Variants in IGF2BP2 observed in about 807,000 individuals in gnomAD.
IGF2BP2 encodes insulin-like growth factor 2 mRNA-binding protein 2.
Under a neutral mutation model 75.8 loss-of-function variants are expected in IGF2BP2, and 17 were observed. That is an observed-to-expected ratio of 0.22 (90% CI 0.15 to 0.34). IGF2BP2 has a LOEUF of 0.34. Among genes scored for constraint, IGF2BP2 ranks in the 10% least tolerant of loss-of-function variants. The probability of loss-of-function intolerance (pLI) is 1.00; values close to 1 mark genes in which losing one functional copy is unlikely to be tolerated. For synonymous variants in IGF2BP2, 288 were observed against 295.6 expected, an observed-to-expected ratio of 0.97 and a Z score of 0.26; for missense variants, 516 against 772.4, an observed-to-expected ratio of 0.67 and a Z score of 3.93.
intron 2 of IGF2BP2, among the ~76,000 whole-genome samples, chr3:185,781,734 T>C (rs563733085): frequency 5.9e-5 from 9 of 152,172 alleles, no homozygotes; most frequent in Non-Finnish European, 1.3e-4. Context: ...GAATTTTGTT[T>C]GTTTGCTTTA....
chr3:185,775,833 T>G (rs1464450045), intron 2 of IGF2BP2, among the ~76,000 whole-genome samples: 1 of 152,228 alleles, frequency 6.6e-6, no homozygotes, highest in African/African-American at 2.4e-5. Context: ...AAAGGTATAA[T>G]TTAAGAACTA....
chr3:185,757,737 CA>C (rs1731828857), intron 2 of IGF2BP2, among the ~76,000 whole-genome samples: 1 of 152,194 alleles, frequency 6.6e-6, no homozygotes, highest in African/African-American at 2.4e-5. Context: ...GCCGAGATTA[CA>C]GATATAAGCC....
intron 2 of IGF2BP2, among the ~76,000 whole-genome samples, chr3:185,794,589 T>G (rs1022164455): frequency 1.3e-5 from 2 of 152,062 alleles, no homozygotes; most frequent in East Asian, 3.9e-4. Flanking sequence ...TTCCCAACAG[T>G]GCTTCTTTTT....
At chr3:185,716,290 G>A in intron 2 of IGF2BP2, 1 of 366,084 alleles carries the variant, frequency 2.7e-6, no homozygotes, top group South Asian at 2.4e-5. Context: ...CATATTTTTG[G>A]AATTCTTTTA....
intron 2 of IGF2BP2, among the ~76,000 whole-genome samples, chr3:185,699,235 T>A (rs1036156941): frequency 1.3e-5 from 2 of 152,210 alleles, no homozygotes; most frequent in Non-Finnish European, 1.5e-5. Context: ...CAGACTCATC[T>A]TTTCAATTTC....
chr3:185,711,703 T>G (rs923913457), intron 2 of IGF2BP2, among the ~76,000 whole-genome samples: 1 of 152,228 alleles, frequency 6.6e-6, no homozygotes, highest in African/African-American at 2.4e-5. Context: ...TTCCTTTTCC[T>G]ACCTCTTTTT....
chr3:185,672,688 A>G lies in IGF2BP2; in HGVS notation c.1072-19T>C. On this transcript the variant is annotated intron_variant, in intron 9 of 15. Coordinates refer to ENST00000382199, the MANE Select transcript of IGF2BP2 (RefSeq NM_006548.6). The stretch of plus-strand genomic sequence containing the variant: ...CTTGTTGCTGGGAATAGAAATGGAG[A>G]AAAAAGATGAAGGGAGGAGACCAGA... 1 of 1,613,784 alleles carries G rather than the reference A, an allele frequency of 6.2e-7. No individual in the cohort carries two copies. The highest frequency in any genetic ancestry group is 8.5e-7 in the Non-Finnish European group (1 of 1,179,846).
intron 2 of IGF2BP2, among the ~76,000 whole-genome samples, chr3:185,812,548 C>T (rs1348002528): frequency 6.6e-6 from 1 of 152,194 alleles, no homozygotes; most frequent in Non-Finnish European, 1.5e-5. Flanking sequence ...AGGGTCTAAA[C>T]TTTCCTCAAG....
chr3:185,731,018 T>C (rs942870850), intron 2 of IGF2BP2, among the ~76,000 whole-genome samples: 3 of 152,190 alleles, frequency 2.0e-5, no homozygotes, highest in Non-Finnish European at 4.4e-5. Context: ...TTAAATAAAC[T>C]GATGTTTACA....
At chr3:185,781,284 C>T (rs1735169083) in intron 2 of IGF2BP2, among the ~76,000 whole-genome samples, 1 of 152,102 alleles carries the variant, frequency 6.6e-6, no homozygotes, top group African/African-American at 2.4e-5. Flanking sequence ...TATCCATCTC[C>T]CAGCTTCAGC....
intron 2 of IGF2BP2, among the ~76,000 whole-genome samples, chr3:185,821,717 T>C (rs1365515564): frequency 1.3e-5 from 2 of 152,106 alleles, no homozygotes; most frequent in Admixed American, 6.5e-5. Context: ...TATAGAAACA[T>C]ACTGTATCAA....
chr3:185,759,586 C>T (rs865786700), intron 2 of IGF2BP2, among the ~76,000 whole-genome samples: 1 of 152,154 alleles, frequency 6.6e-6, no homozygotes, highest in African/African-American at 2.4e-5. Context: ...AGAGTGGCAA[C>T]CATCCCTTCC....
At chr3:185,811,830 GTCTCTCTC>G (rs58208457) in intron 2 of IGF2BP2, among the ~76,000 whole-genome samples, 1,209 of 120,756 alleles carry the variant, frequency 0.01, 10 homozygotes, top group East Asian at 0.052. Context: ...AGAGTAGGGT[GTCTCTCTC>G]TCTCTCTCTC....
intron 9 of IGF2BP2, among the ~76,000 whole-genome samples, chr3:185,673,077 G>A (rs73885760): frequency 2.3e-3 from 347 of 152,254 alleles, no homozygotes; most frequent in African/African-American, 7.9e-3. Context: ...TGACCTGTGG[G>A]TTTCACCTGA....
At chr3:185,792,587 A>G (rs1736799061) in intron 2 of IGF2BP2, among the ~76,000 whole-genome samples, 1 of 152,084 alleles carries the variant, frequency 6.6e-6, no homozygotes, top group African/African-American at 2.4e-5. Context: ...AACATGGTGA[A>G]ACCCCATCTC....
chr3:185,658,296 C>T (rs763745671), intron 11 of IGF2BP2, 45 bp downstream of exon 11: 1 of 1,570,222 alleles, frequency 6.4e-7, no homozygotes, highest in Non-Finnish European at 8.8e-7. Flanking sequence ...GTGGGCCTAG[C>T]CCCAGGAGAA....
chr3:185,812,382 C>G (rs1246205132), intron 2 of IGF2BP2, among the ~76,000 whole-genome samples: 1 of 152,196 alleles, frequency 6.6e-6, no homozygotes, highest in Non-Finnish European at 1.5e-5. Context: ...CTGGAAAGTT[C>G]CTGAAGGGCA....
chr3:185,819,133 A>G (rs1741002230), intron 2 of IGF2BP2, among the ~76,000 whole-genome samples: 1 of 152,152 alleles, frequency 6.6e-6, no homozygotes, highest in Admixed American at 6.6e-5. Flanking sequence ...AACATAATAA[A>G]AAACAAAATG....
In IGF2BP2 at chr3:185,657,221, G is replaced by A. The variant is rs929572142; in HGVS notation, c.1386+65C>T. The A allele has an allele frequency of 4.4e-5, 49 of 1,108,918 alleles. 1 individual carries two copies. Among genetic ancestry groups the A allele is most frequent in the Middle Eastern group, 2.9e-4 (1 of 3,486 alleles). 68.7% of individuals were successfully genotyped at this position (1,108,918 alleles called of 1,614,324 possible). A position where few individuals can be genotyped will look rare whatever the true frequency, so the allele number is the denominator to read the frequency against. On this transcript the variant is annotated intron_variant, in intron 12 of 15. Transcript: ENST00000382199. ...TGTGGCGCTGCCTGGGACTGAGAGG[G>A]AACAAGGGCCGTGGGATGAGAGGAG...
Sources: gnomAD v4.1 joint callset for allele counts (sites outside exome capture counted in the v4.1 genomes callset) on GRCh38, gnomAD v4.1.1 for gene constraint, MANE v1.5 for transcripts, NCBI Gene and HGNC (gene_info 2026-07-23, HGNC 2026-07-21) for gene names.